Variants in PLEKHD1 observed in about 807,000 individuals in gnomAD.
The protein encoded by PLEKHD1 is pleckstrin homology domain-containing family D member 1.
A neutral mutation model predicts 69.2 loss-of-function variants in PLEKHD1; 51 were observed. The ratio of observed to expected loss-of-function variants is 0.74; its 90% confidence interval spans 0.59 to 0.93. The LOEUF (loss-of-function observed/expected upper bound fraction) is 0.93, where lower values mean the gene tolerates loss of function less well. PLEKHD1 is among the 40% of genes least tolerant of loss of function. PLEKHD1 has a pLI of 0.00. For synonymous variants in PLEKHD1, 236 were observed against 244.7 expected (o/e 0.96, Z 0.33); for missense variants, 584 against 641.0 (o/e 0.91, Z 0.96).
At chr14:69,522,253 G>A in intron 6 of PLEKHD1, 30 bp from the exon 7 acceptor site, 1 of 1,548,498 alleles carries the variant, frequency 6.5e-7, no homozygotes, top group Non-Finnish European at 8.7e-7. Flanking sequence ...TGCTGCCTGT[G>A]ACTCTTCTCT....
the PLEKHD1 span, among the ~76,000 whole-genome samples, chr14:69,470,427 C>T: frequency 1.3e-5 from 2 of 150,038 alleles, no homozygotes; most frequent in African/African-American, 4.9e-5. Flanking sequence ...TGTGCCACTG[C>T]ACTCCAGCCT....
the PLEKHD1 span, among the ~76,000 whole-genome samples, chr14:69,468,599 T>C: frequency 6.6e-6 from 1 of 152,014 alleles, no homozygotes; most frequent in South Asian, 2.1e-4. Flanking sequence ...TCTTTCTGGG[T>C]CTTGCTTTGT....
chr14:69,522,923 T>C (rs1228294608), intron 7 of PLEKHD1, among the ~76,000 whole-genome samples: 2 of 152,042 alleles, frequency 1.3e-5, no homozygotes, highest in Non-Finnish European at 2.9e-5. Flanking sequence ...TATGTATATA[T>C]AAAAATGTTT....
At chr14:69,473,329 AC>A in the PLEKHD1 span, among the ~76,000 whole-genome samples, 1 of 150,890 alleles carries the variant, frequency 6.6e-6, no homozygotes, top group East Asian at 2.0e-4. Context: ...ATGTGTCCCT[AC>A]CCCACCCTCC....
Position 69,527,317 on chromosome 14 carries a change from G to A in PLEKHD1, c.1186G>A (p.Val396Met), listed in dbSNP as rs1476144979. 1.3e-6 allele frequency: 2 copies of A among 1,551,602 alleles called. No homozygotes were observed. The highest frequency in any genetic ancestry group is 2.0e-5 in the Admixed American group (1 of 50,994). The part of the protein sequence containing the change: ...KEKEERMRAD[V>M]SHLKRFFEEC... The stretch of plus-strand genomic sequence containing the variant: ...GAAGGAGGAGAGGATGCGGGCTGAT[G>A]TGAGCCATCTGAAAAGTAAGCCCTG... The change falls in exon 11 of 13, where the codon GTG (valine) becomes ATG (methionine). Residue 396 changes from valine to methionine, a missense_variant. Val to Met is a conservative substitution (Grantham distance 21, BLOSUM62 1). Coordinates refer to ENST00000322564, the MANE Select transcript of PLEKHD1 (RefSeq NM_001161498.2).
chr14:69,485,060 A>G lies in PLEKHD1; in HGVS notation c.95A>G (p.Tyr32Cys), dbSNP rs567950183. Residue 32 changes from tyrosine to cysteine, a missense_variant, in exon 1 of 13, where the codon TAC becomes TGC. Physicochemically the swap from Tyr to Cys is radical, Grantham distance 194. Transcript: ENST00000322564. ...ALDISTKVQL[Y>C]GVLWKRPFGR... ...GATATCAGCACCAAAGTGCAGCTCT[A>G]CGGCGTGCTGTGGAAGAGGCCTTTC... 61 of 1,551,280 alleles carry G rather than the reference A, an allele frequency of 3.9e-5. No homozygotes were observed. The East Asian group carries it at 1.1e-3, about 27-fold the overall frequency.
chr14:69,485,181 C>T (rs1027111605), intron 1 of PLEKHD1, 67 bp downstream of exon 1: 4 of 1,489,766 alleles, frequency 2.7e-6, no homozygotes, highest in Non-Finnish European at 3.6e-6. Flanking sequence ...ACCCCTCCCA[C>T]CCCCTCCAGT....
At chr14:69,512,194 A>C (rs549027277) in intron 6 of PLEKHD1, among the ~76,000 whole-genome samples, 1 of 152,226 alleles carries the variant, frequency 6.6e-6, no homozygotes, top group Non-Finnish European at 1.5e-5. Flanking sequence ...GTTATTCATC[A>C]TAGTTCTTTA....
chr14:69,502,069 A>G, intron 5 of PLEKHD1: 1 of 412,718 alleles, frequency 2.4e-6, no homozygotes, highest in Non-Finnish European at 4.4e-6. Flanking sequence ...ATCATTTGTC[A>G]CCCATCTCAG....
chr14:69,527,123 C>T (rs1594995517), intron 10 of PLEKHD1, 65 bp from the exon 11 acceptor site: 1 of 1,471,490 alleles, frequency 6.8e-7, no homozygotes, highest in East Asian at 2.5e-5. Flanking sequence ...AGGAAGGCTT[C>T]CAGGGAAGAT....
chr14:69,528,555 AC>A lies in PLEKHD1; in HGVS notation c.*137del. On this transcript the variant is annotated 3_prime_UTR_variant, in exon 13 of 13. Coordinates refer to ENST00000322564, the MANE Select transcript of PLEKHD1 (RefSeq NM_001161498.2). ...TATGTCTCCTCTGGGCCGGAGCTCC[AC>A]TTGGGGGCCAGCCTTGCCCTCAAAG... The A allele has an allele frequency of 8.3e-7, 1 of 1,208,148 alleles. No homozygotes were observed. Among genetic ancestry groups the A allele is most frequent in the Non-Finnish European group, 1.1e-6 (1 of 890,744 alleles). 74.8% of individuals were successfully genotyped at this position (1,208,148 alleles called of 1,614,324 possible). A position where few individuals can be genotyped will look rare whatever the true frequency, so the allele number is the denominator to read the frequency against.
intron 1 of PLEKHD1, among the ~76,000 whole-genome samples, chr14:69,498,617 T>TTCC (rs1882947253): frequency 8.5e-6 from 1 of 117,264 alleles, no homozygotes; most frequent in Admixed American, 9.1e-5. Flanking sequence ...TCTTCTCTTC[T>TTCC]CTTCTCTTCT....
chr14:69,489,062 T>A (rs538096450), intron 1 of PLEKHD1, among the ~76,000 whole-genome samples: 1 of 152,288 alleles, frequency 6.6e-6, no homozygotes, highest in South Asian at 2.1e-4. Flanking sequence ...CTGCCAAAGT[T>A]AAGTGAGTTA....
chr14:69,490,221 T>C (rs1234499416), intron 1 of PLEKHD1, among the ~76,000 whole-genome samples: 3 of 152,218 alleles, frequency 2.0e-5, no homozygotes, highest in Non-Finnish European at 2.9e-5. Context: ...ACTGGTTTCA[T>C]GGAAGACAAT....
chr14:69,505,611 AT>A (rs1209474135), intron 6 of PLEKHD1, among the ~76,000 whole-genome samples: 1 of 152,104 alleles, frequency 6.6e-6, no homozygotes, highest in Non-Finnish European at 1.5e-5. Context: ...CTGAGCTTCA[AT>A]TTCCCCCCAT....
intron 6 of PLEKHD1, among the ~76,000 whole-genome samples, chr14:69,508,184 G>C (rs1049587815): frequency 1.3e-5 from 2 of 152,102 alleles, no homozygotes; most frequent in Non-Finnish European, 2.9e-5. Context: ...TGAGGCAGGC[G>C]GATCATGAGA....
chr14:69,526,676 G>A, intron 9 of PLEKHD1, 21 bp from the exon 10 acceptor site: 2 of 1,470,742 alleles, frequency 1.4e-6, no homozygotes, highest in Non-Finnish European at 1.8e-6. Flanking sequence ...CATTGAGAAA[G>A]TGCCTCTTCT....
chr14:69,501,656 T>G, intron 4 of PLEKHD1, 78 bp from the exon 5 acceptor site: 1 of 1,140,666 alleles, frequency 8.8e-7, no homozygotes, highest in Non-Finnish European at 1.2e-6. Context: ...GCCTTCTCTT[T>G]CCCCTCTACC....
At chr14:69,486,303 T>C (rs1041228351) in intron 1 of PLEKHD1, among the ~76,000 whole-genome samples, 1 of 152,228 alleles carries the variant, frequency 6.6e-6, no homozygotes, top group Non-Finnish European at 1.5e-5. Flanking sequence ...GCAGAACAAA[T>C]GGAGCTGTGG....
Sources: allele counts gnomAD v4.1 joint callset (sites outside exome capture counted in the v4.1 genomes callset), GRCh38; gene constraint gnomAD v4.1.1; transcripts MANE v1.5; gene names NCBI Gene and HGNC (gene_info 2026-07-23, HGNC 2026-07-21).